Variants in GPR158 observed in about 807,000 individuals in gnomAD.
The protein encoded by GPR158 is G protein-coupled receptor 158.
Under a neutral mutation model 78.2 loss-of-function variants are expected in GPR158, and 30 were observed. That is an observed-to-expected ratio of 0.38 (90% confidence interval 0.29 to 0.52). The LOEUF is 0.52. Among genes scored for constraint, GPR158 ranks in the 20% least tolerant of loss-of-function variants. The pLI is 0.83. For synonymous variants in GPR158, 581 were observed against 591.1 expected (o/e 0.98, Z 0.25); for missense variants, 1,463 against 1,523.5 (o/e 0.96, Z 0.66).
chr10:25,251,123 C>G (rs986930353), intron 2 of GPR158, among the ~76,000 whole-genome samples: 4 of 152,124 alleles, frequency 2.6e-5, no homozygotes, highest in Admixed American at 6.5e-5. Flanking sequence ...TTATCAGAGA[C>G]TAGGAATGCA....
At chr10:25,185,899 T>C (rs1011461999) in intron 1 of GPR158, among the ~76,000 whole-genome samples, 2 of 152,148 alleles carry the variant, frequency 1.3e-5, no homozygotes, top group African/African-American at 4.8e-5. Context: ...CAGAACTCTC[T>C]ACCCCAAAAC....
intron 2 of GPR158, among the ~76,000 whole-genome samples, chr10:25,378,617 A>G: frequency 4.8e-5 from 1 of 20,998 alleles, no homozygotes; most frequent in Non-Finnish European, 2.0e-4. Flanking sequence ...AGTTAGGCAT[A>G]TATATATATT....
chr10:25,558,991 G>A (rs1053972442), intron 6 of GPR158, among the ~76,000 whole-genome samples: 5 of 152,130 alleles, frequency 3.3e-5, no homozygotes, highest in South Asian at 4.1e-4. Context: ...TGGTAATGCT[G>A]TTCAAATCTT....
chr10:25,330,542 A>G (rs1305149731), intron 2 of GPR158, among the ~76,000 whole-genome samples: 1 of 152,192 alleles, frequency 6.6e-6, no homozygotes, highest in Non-Finnish European at 1.5e-5. Context: ...TAGTAGATTG[A>G]TCCTGTTATC....
intron 5 of GPR158, chr10:25,475,634 A>G (rs1835572337): frequency 6.6e-6 from 1 of 152,122 alleles, no homozygotes; most frequent in South Asian, 2.1e-4. Flanking sequence ...TAAGTGATTA[A>G]GGTGACTTAG....
At chr10:25,531,304 A>G (rs930167286) in intron 5 of GPR158, among the ~76,000 whole-genome samples, 4 of 152,176 alleles carry the variant, frequency 2.6e-5, no homozygotes, top group Non-Finnish European at 5.9e-5. Flanking sequence ...AAGTCAGGAA[A>G]AGAGAAACAT....
chr10:25,534,983 C>T (rs1185142047), intron 5 of GPR158, among the ~76,000 whole-genome samples: 2 of 152,116 alleles, frequency 1.3e-5, no homozygotes, highest in African/African-American at 4.8e-5. Context: ...TTGGAGAAGG[C>T]AGCCTTACTG....
chr10:25,435,303 A>G (rs1480093898), intron 4 of GPR158, among the ~76,000 whole-genome samples: 1 of 152,186 alleles, frequency 6.6e-6, no homozygotes, highest in African/African-American at 2.4e-5. Flanking sequence ...TAACAAAGTG[A>G]GAAAGGATAA....
intron 2 of GPR158, among the ~76,000 whole-genome samples, chr10:25,243,771 A>G (rs1403878718): frequency 6.6e-6 from 1 of 152,204 alleles, no homozygotes; most frequent in African/African-American, 2.4e-5. Flanking sequence ...TGATGCCTGA[A>G]CTAAAATGAG....
At chr10:25,536,973 C>G (rs1031013322) in intron 5 of GPR158, among the ~76,000 whole-genome samples, 4 of 152,236 alleles carry the variant, frequency 2.6e-5, no homozygotes, top group African/African-American at 9.6e-5. Flanking sequence ...AAACACTGTT[C>G]TAAGCCCCTT....
At chr10:25,313,191 C>T (rs1854792241) in intron 2 of GPR158, among the ~76,000 whole-genome samples, 1 of 139,268 alleles carries the variant, frequency 7.2e-6, no homozygotes, top group South Asian at 2.2e-4. Context: ...AAATAGGATG[C>T]TGTCTCTAAG....
intron 2 of GPR158, among the ~76,000 whole-genome samples, chr10:25,313,199 A>G (rs1427493108): frequency 1.4e-5 from 2 of 144,332 alleles, no homozygotes; most frequent in African/African-American, 5.1e-5. Context: ...TGCTGTCTCT[A>G]AGACTAAGTA....
At chr10:25,353,789 CT>C (rs768766120) in intron 2 of GPR158, among the ~76,000 whole-genome samples, 16 of 151,988 alleles carry the variant, frequency 1.1e-4, no homozygotes, top group Non-Finnish European at 2.1e-4. Flanking sequence ...ATAATTGGCT[CT>C]TGTTTCTTTA....
intron 3 of GPR158, among the ~76,000 whole-genome samples, chr10:25,403,452 C>T (rs2130538417): frequency 6.6e-6 from 1 of 152,106 alleles, no homozygotes; most frequent in Middle Eastern, 3.4e-3. Flanking sequence ...AACTAAACAG[C>T]TGCTACTGCC....
At chr10:25,305,293 T>A (rs60268096) in intron 2 of GPR158, among the ~76,000 whole-genome samples, 30,776 of 152,108 alleles carry the variant, frequency 0.2, 5,261 homozygotes, top group African/African-American at 0.47. Context: ...TGTTTAGTTT[T>A]TGTATATTCA....
intron 5 of GPR158, among the ~76,000 whole-genome samples, chr10:25,472,715 A>C (rs149572965): frequency 0.048 from 7,347 of 152,146 alleles, 484 homozygotes; most frequent in African/African-American, 0.15. Flanking sequence ...ATTTTATTCT[A>C]TTTGAAGCAT....
At chr10:25,454,570 G>A (rs1835266295) in intron 4 of GPR158, among the ~76,000 whole-genome samples, 1 of 152,132 alleles carries the variant, frequency 6.6e-6, no homozygotes, top group Admixed American at 6.6e-5. Flanking sequence ...GCTAATGGCA[G>A]GAGAGTAACA....
chr10:25,377,374 A>G (rs773343455), intron 2 of GPR158, among the ~76,000 whole-genome samples: 10 of 151,970 alleles, frequency 6.6e-5, no homozygotes, highest in African/African-American at 1.4e-4. Flanking sequence ...TTTTGAAAAC[A>G]GCTCTATTAA....
At chr10:25,360,446 T>G (rs1037098084) in intron 2 of GPR158, among the ~76,000 whole-genome samples, 1 of 152,270 alleles carries the variant, frequency 6.6e-6, no homozygotes, top group Non-Finnish European at 1.5e-5. Flanking sequence ...AAGGAAGGTG[T>G]CCAGTTTCAG....
Sources: gnomAD v4.1 joint callset for allele counts (sites outside exome capture counted in the v4.1 genomes callset) on GRCh38, gnomAD v4.1.1 for gene constraint, MANE v1.5 for transcripts, NCBI Gene and HGNC (gene_info 2026-07-23, HGNC 2026-07-21) for gene names.